The following PAK2 variants were observed in gnomAD, a reference collection of about 807,000 sequenced individuals.
PAK2 encodes the protein serine/threonine-protein kinase PAK 2.
In PAK2, 21 loss-of-function variants were observed where a neutral mutation model predicts 65.9. The observed-to-expected ratio is 0.32, with a 90% CI of 0.23 to 0.46. The LOEUF is 0.46. PAK2 is among the 20% of genes least tolerant of loss of function. The pLI is 1.00. For missense variants in PAK2, 324 were observed against 642.6 expected (o/e 0.50, Z 5.36); for synonymous variants, 204 against 219.7 (o/e 0.93, Z 0.63).
Position 196,829,270 on chromosome 3 carries a change from G to A in PAK2, c.*865G>A, listed in dbSNP as rs1046745. On this transcript the variant is annotated 3_prime_UTR_variant, in exon 15 of 15. Coordinates refer to ENST00000327134, the MANE Select transcript of PAK2 (RefSeq NM_002577.4). ...TTGTTGTTGTTCCAACCTGGGCTTTGTGACTTTGGTTAGTGCCACTACCTT... is the reference window on the plus strand; with the variant it reads ...TTGTTGTTGTTCCAACCTGGGCTTTATGACTTTGGTTAGTGCCACTACCTT... The A allele has an allele frequency of 0.12, 18,914 of 152,556 alleles. 1,404 individuals carry two copies. The highest frequency in any genetic ancestry group is 0.19 in the African/African-American group (7,979 of 41,498). 9.5% of individuals were successfully genotyped at this position (152,556 alleles called of 1,614,324 possible).
At chr3:196,771,695 A>T (rs562458475) in intron 1 of PAK2, among the ~76,000 whole-genome samples, 15 of 152,188 alleles carry the variant, frequency 9.9e-5, no homozygotes, top group Non-Finnish European at 1.8e-4. Flanking sequence ...AGTAGCTGGG[A>T]TTACAGGTGC....
intron 11 of PAK2, 55 bp downstream of exon 11, chr3:196,814,623 A>T (rs1273606871): frequency 1.3e-6 from 1 of 772,370 alleles, no homozygotes; most frequent in Non-Finnish European, 2.3e-6. Flanking sequence ...GCAAGAAGTG[A>T]ACAAAAGGAA....
chr3:196,827,562 C>T (rs62410764), intron 14 of PAK2: 94,223 of 352,686 alleles, frequency 0.27, 18,431 homozygotes, highest in African/African-American at 0.68. Context: ...ATGAGAACAC[C>T]TGGACACAGG....
In PAK2 at chr3:196,789,966, G is replaced by A. The variant is rs185695884; in HGVS notation, c.187+7133G>A. On this transcript the variant is annotated intron_variant, in intron 2 of 14. Coordinates refer to ENST00000327134, the MANE Select transcript of PAK2 (RefSeq NM_002577.4). The stretch of plus-strand genomic sequence containing the variant: ...GACAGGAGGTGGCGCTCAGGCGGTG[G>A]TGCTCACTCCCCACTGCTCACCTCC... Among the ~76,000 whole-genome samples the A allele has an allele frequency of 2.0e-3, 302 of 152,282 alleles. 2 individuals are homozygous for A. Among genetic ancestry groups the A allele is most frequent in the African/African-American group, 7.0e-3 (289 of 41,568 alleles).
chr3:196,812,144 G>C (rs1249210118), intron 8 of PAK2, 75 bp from the exon 9 acceptor site: 2 of 852,246 alleles, frequency 2.3e-6, no homozygotes, highest in Non-Finnish European at 4.1e-6. Context: ...ATTGCTTGAA[G>C]TGTAAAGTCT....
At chr3:196,759,498 G>GTGTTTTTTTTTTTTTTTT (rs1713881780) in intron 1 of PAK2, among the ~76,000 whole-genome samples, 1 of 108,116 alleles carries the variant, frequency 9.2e-6, no homozygotes, top group Admixed American at 1.1e-4. Context: ...GGTTTTTTTT[G>GTGTTTTTTTTTTTTTTTT]TTTTTTTTTT....
chr3:196,770,982 A>G (rs1003537985), intron 1 of PAK2, among the ~76,000 whole-genome samples: 2 of 151,798 alleles, frequency 1.3e-5, no homozygotes, highest in African/African-American at 4.9e-5. Context: ...TTCAATTTTC[A>G]TTATGTCTTT....
At chr3:196,814,381 C>T (rs13078303) in intron 10 of PAK2, 70 bp from the exon 11 acceptor site, 114,619 of 658,434 alleles carry the variant, frequency 0.17, 10,844 homozygotes, top group South Asian at 0.24. Context: ...TATTTGAATT[C>T]TTCAACATAG....
intron 1 of PAK2, among the ~76,000 whole-genome samples, chr3:196,746,161 G>A (rs1577692339): frequency 6.6e-6 from 1 of 152,040 alleles, no homozygotes; most frequent in East Asian, 1.9e-4. Context: ...TTGGCCTGAA[G>A]TTCCAAGACT....
At chr3:196,825,279 G>C (rs780605104) in intron 13 of PAK2, among the ~76,000 whole-genome samples, 6 of 151,890 alleles carry the variant, frequency 4.0e-5, no homozygotes, top group Non-Finnish European at 5.9e-5. Context: ...CCGGGAGGCA[G>C]AGGTTGCCAT....
intron 2 of PAK2, among the ~76,000 whole-genome samples, chr3:196,787,158 C>A (rs541269109): frequency 6.6e-6 from 1 of 152,044 alleles, no homozygotes; most frequent in Non-Finnish European, 1.5e-5. Context: ...TGGAACAAAT[C>A]TCTTAACCAG....
chr3:196,824,738 T>C (rs1347642021), intron 13 of PAK2, among the ~76,000 whole-genome samples: 1 of 151,858 alleles, frequency 6.6e-6, no homozygotes, highest in Non-Finnish European at 1.5e-5. Context: ...CCCTGCTGCT[T>C]GAAAGGCTGA....
At chr3:196,741,899 A>G (rs1318659920) in intron 1 of PAK2, among the ~76,000 whole-genome samples, 1 of 152,006 alleles carries the variant, frequency 6.6e-6, no homozygotes, top group East Asian at 1.9e-4. Context: ...GTTCCTGGGT[A>G]TTTCACTTCC....
chr3:196,774,916 T>C (rs1205724333), intron 1 of PAK2, among the ~76,000 whole-genome samples: 1 of 152,208 alleles, frequency 6.6e-6, no homozygotes, highest in Non-Finnish European at 1.5e-5. Context: ...TTACTTGTAA[T>C]AGAAACTACT....
Position 196,773,901 on chromosome 3 carries a change from G to A in PAK2, c.-21-8725G>A, listed in dbSNP as rs374139120. The stretch of plus-strand genomic sequence containing the variant: ...CAAAACAACAAATTCAATTAGCCGG[G>A]CGTGGTGGCGCACTCCTGTAATCCC... On this transcript the variant is annotated intron_variant, in intron 1 of 14. Transcript: ENST00000327134. Among the ~76,000 whole-genome samples the A allele has an allele frequency of 1.8e-4, 27 of 151,974 alleles. No individual in the cohort carries two copies. The East Asian group carries it at 3.5e-3, about 20-fold the overall frequency.
intron 13 of PAK2, among the ~76,000 whole-genome samples, chr3:196,825,442 G>C (rs538999891): frequency 1.3e-5 from 2 of 151,852 alleles, no homozygotes; most frequent in East Asian, 3.9e-4. Context: ...GGGAGTTTAA[G>C]ACCAGCCTGG....
chr3:196,780,166 C>T (rs1336456525), intron 1 of PAK2, among the ~76,000 whole-genome samples: 4 of 152,208 alleles, frequency 2.6e-5, no homozygotes, highest in African/African-American at 9.6e-5. Flanking sequence ...TGCCTTAGAT[C>T]CTGCCCTCAT....
intron 2 of PAK2, among the ~76,000 whole-genome samples, chr3:196,789,914 A>G (rs138096459): frequency 0.015 from 2,320 of 152,226 alleles, 104 homozygotes; most frequent in Admixed American, 0.097. Flanking sequence ...TTGCGCTCCT[A>G]TGGGGATCTA....
chr3:196,828,327 C>T lies in PAK2; in HGVS notation c.1497C>T (p.Phe499=). Residue 499 remains phenylalanine, a synonymous_variant, in exon 15 of 15, where the codon TTC becomes TTT. Transcript: ENST00000327134. The stretch of plus-strand genomic sequence containing the variant: ...CCCCTTCTTTCTGGCAGCATCCTTT[C>T]CTGAAACTGGCCAAACCGTTATCTA... ...GSAKELLQHP[F]LKLAKPLSSL... is the part of the protein sequence containing the mutation. 1 of 1,602,090 alleles carries T rather than the reference C, an allele frequency of 6.2e-7. No individual in the cohort carries two copies. The highest frequency in any genetic ancestry group is 1.1e-5 in the South Asian group (1 of 90,218).
Sources: allele counts gnomAD v4.1 joint callset (sites outside exome capture counted in the v4.1 genomes callset), GRCh38; gene constraint gnomAD v4.1.1; transcripts MANE v1.5; gene names NCBI Gene and HGNC (gene_info 2026-07-23, HGNC 2026-07-21).